POU6F2: variants seen among roughly 807,000 people sequenced by gnomAD.
POU6F2 encodes POU domain, class 6, transcription factor 2.
Under a neutral mutation model 71.3 loss-of-function variants are expected in POU6F2, and 31 were observed. The observed-to-expected ratio is 0.43, with a 90% CI of 0.33 to 0.59. The LOEUF is 0.59. POU6F2 is among the 20% of genes least tolerant of loss of function. The pLI is 0.04. For synonymous variants in POU6F2, 347 were observed against 355.7 expected (o/e 0.98, Z 0.27); for missense variants, 783 against 856.8 (o/e 0.91, Z 1.07).
intron 2 of POU6F2, among the ~76,000 whole-genome samples, chr7:39,119,090 A>T (rs937246014): frequency 2.0e-5 from 3 of 152,200 alleles, no homozygotes; most frequent in African/African-American, 7.2e-5. Context: ...ATAAACCAAG[A>T]AAGAAGGCCT....
At chr7:39,272,110 C>T (rs1784350231) in intron 4 of POU6F2, among the ~76,000 whole-genome samples, 1 of 152,066 alleles carries the variant, frequency 6.6e-6, no homozygotes, top group Non-Finnish European at 1.5e-5. Flanking sequence ...ACAGAGAAAA[C>T]TTAAGAAGGA....
chr7:39,128,129 C>T (rs2128728924), intron 2 of POU6F2, among the ~76,000 whole-genome samples: 1 of 152,224 alleles, frequency 6.6e-6, no homozygotes, highest in East Asian at 1.9e-4. Flanking sequence ...GTGTGAGCCA[C>T]TGTGCCCGGC....
intron 5 of POU6F2, among the ~76,000 whole-genome samples, chr7:39,388,771 A>G (rs1417498443): frequency 6.6e-6 from 1 of 152,238 alleles, no homozygotes; most frequent in East Asian, 1.9e-4. Flanking sequence ...ATTCTGGTAA[A>G]TTAACGGCTA....
At chr7:39,082,355 T>C (rs1272162446) in intron 1 of POU6F2, among the ~76,000 whole-genome samples, 1 of 152,184 alleles carries the variant, frequency 6.6e-6, no homozygotes, top group African/African-American at 2.4e-5. Context: ...GATTGATAAA[T>C]GAATTGCAAA....
intron 4 of POU6F2, among the ~76,000 whole-genome samples, chr7:39,335,660 C>G (rs1446755489): frequency 6.6e-6 from 1 of 152,226 alleles, no homozygotes; most frequent in African/African-American, 2.4e-5. Context: ...GGCAATAACA[C>G]CATCTATCCA....
chr7:39,228,957 G>A (rs763957611), intron 4 of POU6F2, among the ~76,000 whole-genome samples: 21 of 152,168 alleles, frequency 1.4e-4, no homozygotes, highest in Admixed American at 5.2e-4. Context: ...ACCAGGCTTA[G>A]GCACTGAGAG....
intron 5 of POU6F2, among the ~76,000 whole-genome samples, chr7:39,378,131 C>A (rs1278572057): frequency 1.3e-5 from 2 of 152,180 alleles, no homozygotes; most frequent in Non-Finnish European, 2.9e-5. Context: ...ACTTACTGAC[C>A]ACTACCTTGG....
At chr7:39,022,964 T>A (rs1789712169) in intron 1 of POU6F2, among the ~76,000 whole-genome samples, 1 of 152,070 alleles carries the variant, frequency 6.6e-6, no homozygotes, top group East Asian at 1.9e-4. Context: ...TCAACAGTAG[T>A]GTATGAGAGT....
intron 1 of POU6F2, among the ~76,000 whole-genome samples, chr7:39,010,490 A>G (rs1789241957): frequency 6.6e-6 from 1 of 151,342 alleles, no homozygotes; most frequent in African/African-American, 2.4e-5. Flanking sequence ...GGATTCATTA[A>G]TTTTTTGAAG....
At chr7:39,109,983 A>G (rs1791770322) in intron 2 of POU6F2, among the ~76,000 whole-genome samples, 2 of 152,226 alleles carry the variant, frequency 1.3e-5, no homozygotes, top group African/African-American at 4.8e-5. Context: ...ATTAAATTAT[A>G]TAATTGGCTG....
At chr7:39,300,280 T>C (rs1784928710) in intron 4 of POU6F2, among the ~76,000 whole-genome samples, 1 of 152,152 alleles carries the variant, frequency 6.6e-6, no homozygotes, top group Admixed American at 6.5e-5. Context: ...CAGAATTCAG[T>C]TGTGTGGAAT....
intron 5 of POU6F2, among the ~76,000 whole-genome samples, chr7:39,344,670 C>G (rs1473527333): frequency 2.0e-5 from 3 of 151,980 alleles, no homozygotes; most frequent in Non-Finnish European, 2.9e-5. Flanking sequence ...AGCAATTAGT[C>G]TTAATCGGTT....
intron 4 of POU6F2, among the ~76,000 whole-genome samples, chr7:39,264,525 C>A (rs141131410): frequency 6.6e-6 from 1 of 152,022 alleles, no homozygotes; most frequent in African/African-American, 2.4e-5. Context: ...AAACTTTGTT[C>A]ATCTCTATAA....
Position 39,444,338 on chromosome 7 carries a change from C to A in POU6F2, c.1321-7195C>A, listed in dbSNP as rs1788475128. Among the ~76,000 whole-genome samples the A allele has an allele frequency of 1.3e-5, 2 of 152,226 alleles. 1 individual carries two copies. The highest frequency in any genetic ancestry group is 4.1e-4 in the South Asian group (2 of 4,834). On this transcript the variant is annotated intron_variant, in intron 7 of 9. Transcript: ENST00000518318. ...GTGGCTCGCGCCTATAATCCCAGCA[C>A]TTTGGGAGGCCGAGGCAGGCAGATC... is the stretch of plus-strand genomic sequence containing the variant.
rs140647962 is a variant in POU6F2, at chr7:39,429,863, A to G, written c.1114-3214A>G. 1.3e-3 allele frequency among the ~76,000 whole-genome samples: 198 copies of G among 152,340 alleles called. 3 individuals carry two copies. The highest frequency in any genetic ancestry group is 9.5e-3 in the Admixed American group (146 of 15,300). ...TTCCTGATTTAGTTGAAACATATGT[A>G]GATGCAAATACTTCCCTTGAATATC... On this transcript the variant is annotated intron_variant, in intron 6 of 9. Coordinates refer to ENST00000518318, the MANE Select transcript of POU6F2 (RefSeq NM_001370959.1).
At chr7:39,413,032 C>A (rs1442870853) in intron 6 of POU6F2, among the ~76,000 whole-genome samples, 2 of 151,390 alleles carry the variant, frequency 1.3e-5, no homozygotes, top group Non-Finnish European at 2.9e-5. Flanking sequence ...TCTCGATCTG[C>A]TGACCTCGTG....
intron 1 of POU6F2, among the ~76,000 whole-genome samples, chr7:38,982,832 T>C (rs1413062308): frequency 6.6e-6 from 1 of 152,080 alleles, no homozygotes; most frequent in Non-Finnish European, 1.5e-5. Context: ...TGCAGAGAGG[T>C]GGCTGCAACT....
chr7:39,205,439 C>T (rs569683562), intron 3 of POU6F2, among the ~76,000 whole-genome samples: 6 of 151,994 alleles, frequency 3.9e-5, no homozygotes, highest in African/African-American at 1.2e-4. Flanking sequence ...GGTGGCCCTC[C>T]GACAAACTGG....
chr7:39,270,363 A>G (rs1562770972), intron 4 of POU6F2, among the ~76,000 whole-genome samples: 1 of 152,216 alleles, frequency 6.6e-6, no homozygotes, highest in East Asian at 1.9e-4. Context: ...AGATGAGGAA[A>G]CTGAGGCACA....
Sources: gnomAD v4.1 joint callset for allele counts (sites outside exome capture counted in the v4.1 genomes callset) on GRCh38, gnomAD v4.1.1 for gene constraint, MANE v1.5 for transcripts, NCBI Gene and HGNC (gene_info 2026-07-23, HGNC 2026-07-21) for gene names.